The following FILIP1L variants were observed in gnomAD, a reference collection of about 807,000 sequenced individuals.
The protein encoded by FILIP1L is filamin A-interacting protein 1-like.
FILIP1L carries 55 observed loss-of-function variants against 96.6 expected under a neutral mutation model. The observed-to-expected ratio is 0.57, with a 90% CI of 0.46 to 0.71. The LOEUF (loss-of-function observed/expected upper bound fraction) is 0.71. FILIP1L is among the 30% of genes least tolerant of loss of function. The probability of loss-of-function intolerance (pLI) is 0.00; values close to 1 mark genes in which losing one functional copy is unlikely to be tolerated. For missense variants in FILIP1L, 1,304 were observed against 1,321.2 expected, an observed-to-expected ratio of 0.99 and a Z score of 0.20; for synonymous variants, 467 against 473.9, an observed-to-expected ratio of 0.99 and a Z score of 0.19.
intron 4 of FILIP1L, among the ~76,000 whole-genome samples, chr3:99,858,931 C>G (rs1202774063): frequency 1.3e-5 from 2 of 152,194 alleles, no homozygotes; most frequent in Non-Finnish European, 2.9e-5. Context: ...ATGAAGTCCC[C>G]CAATTCACTG....
chr3:100,029,704 T>C (rs10049383), intron 1 of FILIP1L, among the ~76,000 whole-genome samples: 27,575 of 152,164 alleles, frequency 0.18, 2,897 homozygotes, highest in South Asian at 0.25. Context: ...ACAACATTTC[T>C]GATGGTTTCT....
chr3:100,070,466 C>A (rs868077543), intron 1 of FILIP1L, among the ~76,000 whole-genome samples: 27 of 152,246 alleles, frequency 1.8e-4, no homozygotes, highest in Middle Eastern at 6.8e-3. Flanking sequence ...TTATTCTCCC[C>A]ATCAGTTTAG....
At chr3:99,830,875 C>T (rs1942648886) in intron 5 of FILIP1L, among the ~76,000 whole-genome samples, 1 of 152,128 alleles carries the variant, frequency 6.6e-6, no homozygotes, top group East Asian at 1.9e-4. Flanking sequence ...TGTAGTAGGA[C>T]ATATACAAGA....
intron 1 of FILIP1L, among the ~76,000 whole-genome samples, chr3:100,031,304 T>G (rs187200796): frequency 5.9e-5 from 9 of 152,136 alleles, no homozygotes; most frequent in African/African-American, 2.2e-4. Context: ...CTCCATAGGT[T>G]TAAAACAGTA....
At chr3:100,092,336 T>G (rs1379315098) in intron 1 of FILIP1L, among the ~76,000 whole-genome samples, 1 of 152,140 alleles carries the variant, frequency 6.6e-6, no homozygotes, top group African/African-American at 2.4e-5. Context: ...TCATAGCATA[T>G]TTTGGATTCC....
chr3:99,938,553 CT>C (rs1707760881), intron 1 of FILIP1L, among the ~76,000 whole-genome samples: 1 of 152,326 alleles, frequency 6.6e-6, no homozygotes, highest in East Asian at 1.9e-4. Context: ...TGTCTGCTAT[CT>C]TTACATTTGC....
intron 4 of FILIP1L, among the ~76,000 whole-genome samples, chr3:99,873,382 G>C (rs571544861): frequency 4.3e-4 from 66 of 152,300 alleles, no homozygotes; most frequent in African/African-American, 1.5e-3. Flanking sequence ...AACAACAGAT[G>C]GGGCCATTTC....
intron 4 of FILIP1L, among the ~76,000 whole-genome samples, chr3:99,874,979 G>C (rs1341965339): frequency 6.6e-6 from 1 of 152,170 alleles, no homozygotes; most frequent in East Asian, 1.9e-4. Context: ...GGCAGCCTAT[G>C]AATTCTGAGT....
At chr3:99,875,251 G>C (rs2107592263) in intron 4 of FILIP1L, among the ~76,000 whole-genome samples, 1 of 152,282 alleles carries the variant, frequency 6.6e-6, no homozygotes. Context: ...CATACTGTAA[G>C]AGTTCATTGG....
chr3:99,851,426 C>T (rs1943691884), intron 4 of FILIP1L, among the ~76,000 whole-genome samples: 1 of 152,190 alleles, frequency 6.6e-6, no homozygotes. Flanking sequence ...TTAGACCTGG[C>T]TTCAAGGCCG....
rs1018584534 is a variant in FILIP1L, at chr3:99,937,185, G to A, written c.-10-6155C>T. Among the ~76,000 whole-genome samples, 9 of 152,020 alleles carry A rather than the reference G, an allele frequency of 5.9e-5. No individual in the cohort carries two copies. The East Asian group carries it at 9.6e-4, about 16-fold the overall frequency. On this transcript the variant is annotated intron_variant, in intron 1 of 5. Transcript: ENST00000477258. ...ACTCCTGACCACAGGTGATCCACCC[G>A]CCTCAGCCTCCCAAAGTGCTGGGAT... is the stretch of plus-strand genomic sequence containing the variant.
In FILIP1L at chr3:100,019,554, C is replaced by T. The variant is rs141494674; in HGVS notation, c.-10-88524G>A. Among the ~76,000 whole-genome samples the T allele has an allele frequency of 3.2e-3, 481 of 152,098 alleles. 4 individuals are homozygous for T. The highest frequency in any genetic ancestry group is 0.01 in the African/African-American group (432 of 41,488). The stretch of plus-strand genomic sequence containing the variant: ...ATTTTTTAAAAGAGAAAAGTAAATA[C>T]GTAAAATTGTTCTATTTTAATGTAT... On this transcript the variant is annotated intron_variant, in intron 1 of 5. Coordinates refer to ENST00000477258, the MANE Select transcript of FILIP1L (RefSeq NM_001387850.1).
intron 4 of FILIP1L, among the ~76,000 whole-genome samples, chr3:99,912,457 G>A (rs932246770): frequency 6.6e-6 from 1 of 152,096 alleles, no homozygotes; most frequent in Admixed American, 6.5e-5. Context: ...GCTTACTGCA[G>A]CCTTGACCTC....
At chr3:100,112,362 G>A (rs2066506315) in intron 1 of FILIP1L, among the ~76,000 whole-genome samples, 1 of 152,138 alleles carries the variant, frequency 6.6e-6, no homozygotes, top group Non-Finnish European at 1.5e-5. Flanking sequence ...CCTTGGACCT[G>A]CCTGACTCTC....
intron 1 of FILIP1L, among the ~76,000 whole-genome samples, chr3:100,074,893 C>T (rs1158426101): frequency 2.0e-5 from 3 of 151,438 alleles, no homozygotes; most frequent in Non-Finnish European, 2.9e-5. Flanking sequence ...AGGGTTTCGC[C>T]GTGTTGGCCA....
intron 1 of FILIP1L, among the ~76,000 whole-genome samples, chr3:100,064,154 T>C (rs2065621470): frequency 6.6e-6 from 1 of 152,204 alleles, no homozygotes; most frequent in Non-Finnish European, 1.5e-5. Context: ...CTGTAAACCT[T>C]CAAGGGCTCT....
chr3:99,924,037 G>T (rs964669960), intron 4 of FILIP1L, among the ~76,000 whole-genome samples, 193 bp downstream of exon 4: 1 of 152,190 alleles, frequency 6.6e-6, no homozygotes, highest in African/African-American at 2.4e-5. Flanking sequence ...TGGTTCCACA[G>T]TCCTTATCAC....
In FILIP1L at chr3:100,064,213, G is replaced by A. The variant is rs749342410; in HGVS notation, c.-11+49840C>T. 3.4e-4 allele frequency among the ~76,000 whole-genome samples: 52 copies of A among 152,286 alleles called. 1 individual carries two copies. Among genetic ancestry groups the A allele is most frequent in the Non-Finnish European group, 6.2e-4 (42 of 68,024 alleles). On this transcript the variant is annotated intron_variant, in intron 1 of 5. Transcript: ENST00000477258. ...TCTTCCGGGAATGTATTTAGGACGT[G>A]TGGTGGATTGGGAAAGAGGAGGATG... is the stretch of plus-strand genomic sequence containing the variant.
chr3:100,061,720 T>G (rs1373649802), intron 1 of FILIP1L, among the ~76,000 whole-genome samples: 1 of 152,214 alleles, frequency 6.6e-6, no homozygotes, highest in Non-Finnish European at 1.5e-5. Flanking sequence ...CCGAGGTGCA[T>G]GTCGTTATCC....
Sources: gnomAD v4.1 joint callset for allele counts (sites outside exome capture counted in the v4.1 genomes callset) on GRCh38, gnomAD v4.1.1 for gene constraint, MANE v1.5 for transcripts, NCBI Gene and HGNC (gene_info 2026-07-23, HGNC 2026-07-21) for gene names.